Variants in CABCOCO1 observed in about 807,000 individuals in gnomAD.
CABCOCO1 encodes the protein ciliary associated calcium binding coiled-coil 1.
In CABCOCO1, 28 loss-of-function variants were observed where a neutral mutation model predicts 35.7. The observed-to-expected ratio is 0.78, with a 90% CI of 0.58 to 1.07. CABCOCO1 has a LOEUF of 1.07. Ranked by LOEUF, CABCOCO1 falls within the 50% of genes least tolerant of loss-of-function variation. CABCOCO1 has a pLI of 0.00. For synonymous variants in CABCOCO1, 95 were observed against 100.1 expected (o/e 0.95, Z 0.30); for missense variants, 326 against 309.2 (o/e 1.05, Z -0.41).
chr10:61,700,421 T>A (rs1408664409), intron 5 of CABCOCO1, among the ~76,000 whole-genome samples: 3 of 151,996 alleles, frequency 2.0e-5, no homozygotes, highest in Non-Finnish European at 4.4e-5. Context: ...GCCAATAAAC[T>A]TATGCAAAGA....
At chr10:61,760,261 T>C in intron 6 of CABCOCO1, 80 bp downstream of exon 6, 2 of 1,476,918 alleles carry the variant, frequency 1.4e-6, no homozygotes, top group Non-Finnish European at 9.1e-7. Context: ...ACTAAATGTT[T>C]TCTTCATTTT....
Position 61,766,326 on chromosome 10 carries a change from A to G in CABCOCO1, c.*313A>G, listed in dbSNP as rs1368258691. On this transcript the variant is annotated 3_prime_UTR_variant, in exon 8 of 8. Coordinates refer to ENST00000648843, the MANE Select transcript of CABCOCO1 (RefSeq NM_001366906.2). ...ACGTTTTGACTAATAAATCCTATTCATCTTCAAGGAGAATGAAGTCAACTT... is the reference window on the plus strand; with the variant it reads ...ACGTTTTGACTAATAAATCCTATTCGTCTTCAAGGAGAATGAAGTCAACTT... 1 of 174,198 alleles carries G rather than the reference A, an allele frequency of 5.7e-6. No homozygotes were observed. Among genetic ancestry groups the G allele is most frequent in the African/African-American group, 2.4e-5 (1 of 42,104 alleles). The allele number at this position is 174,198 out of a possible 1,614,324, so 10.8% of individuals were successfully genotyped here.
chr10:61,751,290 A>G (rs541024266), intron 5 of CABCOCO1, among the ~76,000 whole-genome samples: 1 of 151,022 alleles, frequency 6.6e-6, no homozygotes, highest in Admixed American at 6.6e-5. Context: ...CAAGCAGGGA[A>G]AGAGTGAGTG....
chr10:61,743,890 CCTT>C (rs1463143184), intron 5 of CABCOCO1, among the ~76,000 whole-genome samples: 2 of 152,086 alleles, frequency 1.3e-5, no homozygotes, highest in Admixed American at 1.3e-4. Context: ...AATTGGCAAT[CCTT>C]CTTCTATATT....
intron 7 of CABCOCO1, among the ~76,000 whole-genome samples, chr10:61,764,366 A>G (rs1445533504): frequency 1.3e-5 from 2 of 152,182 alleles, no homozygotes; most frequent in Non-Finnish European, 2.9e-5. Flanking sequence ...CAGATTTTTA[A>G]GTATTTCATG....
At chr10:61,760,794 T>G in intron 6 of CABCOCO1, 69 bp from the exon 7 acceptor site, 2 of 1,490,580 alleles carry the variant, frequency 1.3e-6, no homozygotes, top group Non-Finnish European at 9.1e-7. Context: ...AACAAGAAGT[T>G]TTAGGTTCCA....
intron 5 of CABCOCO1, among the ~76,000 whole-genome samples, chr10:61,737,528 A>G (rs557783744): frequency 1.3e-5 from 2 of 152,340 alleles, no homozygotes; most frequent in South Asian, 4.1e-4. Flanking sequence ...AGCACTATTC[A>G]CAATAGCAAA....
chr10:61,696,808 A>G (rs1425081888), intron 5 of CABCOCO1, among the ~76,000 whole-genome samples: 3 of 152,062 alleles, frequency 2.0e-5, no homozygotes, highest in East Asian at 1.9e-4. Flanking sequence ...TTCCAGCCCA[A>G]AAATATTTTA....
At chr10:61,689,258 G>C (rs1840058826) in intron 4 of CABCOCO1, among the ~76,000 whole-genome samples, 1 of 152,094 alleles carries the variant, frequency 6.6e-6, no homozygotes, top group South Asian at 2.1e-4. Context: ...CTTTCTCTAG[G>C]TAACCAGCGT....
At chr10:61,686,510 T>C (rs990287041) in intron 4 of CABCOCO1, among the ~76,000 whole-genome samples, 4 of 152,208 alleles carry the variant, frequency 2.6e-5, no homozygotes, top group African/African-American at 9.6e-5. Context: ...TTAATATTTA[T>C]TAATAGGATG....
At chr10:61,693,898 A>G (rs546418979) in intron 5 of CABCOCO1, among the ~76,000 whole-genome samples, 213 of 152,208 alleles carry the variant, frequency 1.4e-3, no homozygotes, top group African/African-American at 4.9e-3. Flanking sequence ...GAACCTATAG[A>G]TTAAAAAATG....
chr10:61,756,079 T>C (rs142539201), intron 5 of CABCOCO1, among the ~76,000 whole-genome samples: 2 of 152,144 alleles, frequency 1.3e-5, no homozygotes, highest in African/African-American at 4.8e-5. Context: ...CTTGATTTTT[T>C]AAGATACATA....
chr10:61,685,975 T>A, intron 3 of CABCOCO1, 66 bp from the exon 4 acceptor site: 1 of 1,419,368 alleles, frequency 7.0e-7, no homozygotes, highest in Non-Finnish European at 9.5e-7. Flanking sequence ...GAAAACATCT[T>A]GGATTATCTT....
intron 5 of CABCOCO1, among the ~76,000 whole-genome samples, chr10:61,704,753 G>T (rs1239883383): frequency 6.6e-6 from 1 of 151,534 alleles, no homozygotes; most frequent in Non-Finnish European, 1.5e-5. Flanking sequence ...AACAGCAGCC[G>T]AAATCTCTCT....
chr10:61,744,392 G>A (rs901487630), intron 5 of CABCOCO1, among the ~76,000 whole-genome samples: 2 of 151,950 alleles, frequency 1.3e-5, no homozygotes, highest in African/African-American at 4.8e-5. Context: ...TTATAGTGAG[G>A]GCTCTAAACG....
At chr10:61,683,743 A>G (rs1839870402) in intron 3 of CABCOCO1, among the ~76,000 whole-genome samples, 1 of 152,168 alleles carries the variant, frequency 6.6e-6, no homozygotes. Context: ...TTAATCTTTT[A>G]TATTTTAATC....
chr10:61,723,677 G>T (rs1841076168), intron 5 of CABCOCO1, among the ~76,000 whole-genome samples: 1 of 152,158 alleles, frequency 6.6e-6, no homozygotes. Context: ...TCCTCACAGG[G>T]CATAGAGGAA....
chr10:61,718,732 C>G (rs2291105), intron 5 of CABCOCO1, among the ~76,000 whole-genome samples: 99,439 of 151,916 alleles, frequency 0.65, 34,077 homozygotes, highest in Middle Eastern at 0.84. Flanking sequence ...AAATATTTAC[C>G]AATTCATTAT....
intron 4 of CABCOCO1, 88 bp downstream of exon 4, chr10:61,686,273 G>T: frequency 8.5e-7 from 1 of 1,171,628 alleles, no homozygotes; most frequent in Non-Finnish European, 1.2e-6. Context: ...GTTTTTAGCA[G>T]ATTCAGATAT....
Sources: gnomAD v4.1 joint callset for allele counts (sites outside exome capture counted in the v4.1 genomes callset) on GRCh38, gnomAD v4.1.1 for gene constraint, MANE v1.5 for transcripts, NCBI Gene and HGNC (gene_info 2026-07-23, HGNC 2026-07-21) for gene names.